The following AHCY variants were observed in gnomAD, a reference collection of about 807,000 sequenced individuals.
AHCY encodes adenosylhomocysteinase.
AHCY carries 24 observed loss-of-function variants against 45.4 expected under a neutral mutation model. The observed-to-expected ratio is 0.53, with a 90% confidence interval of 0.38 to 0.74. The LOEUF (loss-of-function observed/expected upper bound fraction) is 0.74, where lower values mean the gene tolerates loss of function less well. Among genes scored for constraint, AHCY ranks in the 30% least tolerant of loss-of-function variants. The probability of loss-of-function intolerance (pLI) is 0.00; values close to 1 mark genes in which losing one functional copy is unlikely to be tolerated. For synonymous variants in AHCY, 245 were observed against 235.1 expected (o/e 1.04, Z -0.39); for missense variants, 449 against 594.1 (o/e 0.76, Z 2.54).
In AHCY at chr20:34,293,564, C is replaced by A. The variant is rs1237338575; in HGVS notation, c.295+517G>T. The stretch of plus-strand genomic sequence containing the variant: ...TCTGTGAAGGAGTGCTGTGCCACCC[C>A]CTCCTGTCCACCTGTGGTTGGTTAG... On this transcript the variant is annotated intron_variant, in intron 3 of 9. Coordinates refer to ENST00000217426, the MANE Select transcript of AHCY (RefSeq NM_000687.4). 3.9e-5 allele frequency: 10 copies of A among 256,418 alleles called. No individual in the cohort carries two copies. In the East Asian group the frequency reaches 1.0e-3, roughly 27 times the overall value. 15.9% of individuals were successfully genotyped at this position (256,418 alleles called of 1,614,324 possible).
the AHCY span, among the ~76,000 whole-genome samples, chr20:34,252,867 G>A: frequency 3.3e-5 from 5 of 152,174 alleles, no homozygotes; most frequent in African/African-American, 7.2e-5. Context: ...GGAGAATGGC[G>A]ATGACTTTTA....
chr20:34,285,528 T>G lies in AHCY; in HGVS notation c.1079A>C (p.Asn360Thr), dbSNP rs1427645330. ...CGCCATCACCTGGTTGGTGAAGGAG[T>G]TACTCATCACGAAGCTGGGGTGGCC... ...AMGHPSFVMSNSFTNQVMAQI... is the reference protein window; with the variant it reads ...AMGHPSFVMSTSFTNQVMAQI... Residue 360 changes from asparagine (N) to threonine (T), a missense_variant, in exon 9 of 10, where the codon AAC becomes ACC. Asn to Thr is a moderately conservative substitution (Grantham distance 65). Coordinates refer to ENST00000217426, the MANE Select transcript of AHCY (RefSeq NM_000687.4). The G allele has an allele frequency of 3.1e-6, 5 of 1,613,856 alleles. No homozygotes were observed. The highest frequency in any genetic ancestry group is 4.2e-6 in the Non-Finnish European group (5 of 1,179,956).
intron 8 of AHCY, chr20:34,285,955 A>C: frequency 8.8e-6 from 3 of 338,984 alleles, no homozygotes; most frequent in Non-Finnish European, 1.7e-5. Flanking sequence ...AATACAAAAA[A>C]TTAGCCGGGC....
the AHCY span, among the ~76,000 whole-genome samples, chr20:34,252,650 A>G: frequency 6.6e-6 from 1 of 152,172 alleles, no homozygotes; most frequent in African/African-American, 2.4e-5. Context: ...CTCAACTGCA[A>G]AGAGGCCTCC....
chr20:34,308,676 C>A (rs1288081473), intron 1 of AHCY, among the ~76,000 whole-genome samples: 12 of 147,800 alleles, frequency 8.1e-5, no homozygotes, highest in Non-Finnish European at 3.0e-5. Flanking sequence ...TTTTTTGACA[C>A]AGAGAGTTGC....
At chr20:34,292,328 C>T (rs1372280202) in intron 4 of AHCY, 30 bp downstream of exon 4, 3 of 1,608,674 alleles carry the variant, frequency 1.9e-6, no homozygotes, top group Admixed American at 3.4e-5. Context: ...AGGCCACCAG[C>T]ACCCAGCCCA....
At chr20:34,308,652 G>A (rs1326105105) in intron 1 of AHCY, among the ~76,000 whole-genome samples, 2 of 151,494 alleles carry the variant, frequency 1.3e-5, no homozygotes, top group African/African-American at 2.4e-5. Context: ...AATTAATTTG[G>A]CAATTTTTTT....
chr20:34,253,794 G>A, the AHCY span, among the ~76,000 whole-genome samples: 7 of 152,194 alleles, frequency 4.6e-5, no homozygotes, highest in Admixed American at 4.6e-4. Context: ...AGACCTAGGT[G>A]GACCTAGGGT....
the AHCY span, among the ~76,000 whole-genome samples, chr20:34,247,730 TC>T: frequency 1.3e-5 from 2 of 152,138 alleles, no homozygotes; most frequent in Admixed American, 6.5e-5. Context: ...TGCCTCAGCC[TC>T]CCAAGATAGC....
chr20:34,290,950 G>T lies in AHCY; in HGVS notation c.559-12C>A. 1.2e-6 allele frequency: 2 copies of T among 1,613,758 alleles called. No individual in the cohort carries two copies. Among genetic ancestry groups the T allele is most frequent in the East Asian group, 2.2e-5 (1 of 44,876 alleles). ...TTGTCAAACTTGCTCTGAAAGGAAA[G>T]GGGGTAAGGAGACAATAGGGGCAGG... On this transcript the variant is annotated splice_polypyrimidine_tract_variant and intron_variant, in intron 5 of 9. Transcript: ENST00000217426. The surrounding 1 kb of genome is among the most constrained non-coding windows in gnomAD (Gnocchi z 4.5).
At chr20:34,261,405 G>A in the AHCY span, among the ~76,000 whole-genome samples, 5 of 152,128 alleles carry the variant, frequency 3.3e-5, no homozygotes, top group African/African-American at 4.8e-5. Flanking sequence ...AGGCTGAGGC[G>A]GGCAGATCTC....
chr20:34,246,288 T>A, the AHCY span: 1 of 1,545,060 alleles, frequency 6.5e-7, no homozygotes, highest in East Asian at 2.4e-5. Flanking sequence ...TCCCCTGCTG[T>A]TCCTTGACCC....
chr20:34,269,191 C>T, the AHCY span: 3 of 1,478,378 alleles, frequency 2.0e-6, no homozygotes, highest in South Asian at 2.7e-5. Flanking sequence ...CGGCCGCGAG[C>T]AGGCAGGGCT....
rs1279429799 is a variant in AHCY, at chr20:34,295,472, C to T, written c.142G>A (p.Ala48Thr). Residue 48 changes from alanine to threonine, a missense_variant, in exon 2 of 10, where the codon GCC (alanine) becomes ACC (threonine). Transcript: ENST00000217426. ...ATGTGCAGGCAGCCAGCGATGCGGGCGCCCTTCAGTGGCTTGGAGGCCGAG... is the reference window on the plus strand; with the variant it reads ...ATGTGCAGGCAGCCAGCGATGCGGGTGCCCTTCAGTGGCTTGGAGGCCGAG... ...RYSASKPLKGARIAGCLHMTV... is the reference protein window; with the variant it reads ...RYSASKPLKGTRIAGCLHMTV... The T allele has an allele frequency of 1.2e-5, 19 of 1,614,000 alleles. No individual in the cohort carries two copies. Among genetic ancestry groups the T allele is most frequent in the African/African-American group, 4.0e-5 (3 of 74,936 alleles).
downstream of AHCY, among the ~76,000 whole-genome samples, chr20:34,275,607 C>T (rs2035904184): frequency 7.2e-5 from 11 of 152,112 alleles, no homozygotes; most frequent in South Asian, 2.3e-3. Context: ...TAGTGTAAAA[C>T]ATGTCTAGAT....
intron 2 of AHCY, among the ~76,000 whole-genome samples, chr20:34,294,444 A>G (rs540269849): frequency 2.5e-4 from 38 of 152,316 alleles, no homozygotes; most frequent in Non-Finnish European, 4.6e-4. Flanking sequence ...GACAAGAAAT[A>G]TGACAGTAGC....
chr20:34,249,634 G>T, the AHCY span, among the ~76,000 whole-genome samples: 1 of 152,086 alleles, frequency 6.6e-6, no homozygotes, highest in Non-Finnish European at 1.5e-5. Flanking sequence ...TTAACAAGGG[G>T]TCCTACATTT....
rs2036551462 is a variant in AHCY at position 34,295,556 on chromosome 20, T to C, written c.58A>G (p.Lys20Glu). 6.2e-7 allele frequency: 1 copy of C among 1,613,970 alleles called. No individual in the cohort carries two copies. The highest frequency in any genetic ancestry group is 8.5e-7 in the Non-Finnish European group (1 of 1,180,020). Residue 20 changes from lysine to glutamate, a missense_variant, in exon 2 of 10, where the codon AAG becomes GAG. Transcript: ENST00000217426. ...TCGTTCTCAGCAATGTCCAGGGCCTTGCGTCCCCAGGCAGCCAGGCCGATG... is the reference window on the plus strand; with the variant it reads ...TCGTTCTCAGCAATGTCCAGGGCCTCGCGTCCCCAGGCAGCCAGGCCGATG... ...ADIGLAAWGR[K>E]ALDIAENEMP...
At chr20:34,281,326 T>C (rs2035995793) in intron 9 of AHCY, among the ~76,000 whole-genome samples, 161 bp from the exon 10 acceptor site, 1 of 152,190 alleles carries the variant, frequency 6.6e-6, no homozygotes, top group African/African-American at 2.4e-5. Context: ...AGTTAATGTG[T>C]TGTTTTGGCT....
Sources: gnomAD v4.1 joint callset for allele counts (sites outside exome capture counted in the v4.1 genomes callset) on GRCh38, gnomAD v4.1.1 for gene constraint, Gnocchi (gnomAD v3.1) non-coding constraint, MANE v1.5 for transcripts, NCBI Gene and HGNC (gene_info 2026-07-23, HGNC 2026-07-21) for gene names.